The following POU3F3 variants were observed in gnomAD, a reference collection of about 807,000 sequenced individuals.
POU3F3 encodes the protein POU class 3 homeobox 3.
POU3F3 carries 1 observed loss-of-function variant against 8.6 expected under a neutral mutation model. The observed-to-expected ratio is 0.12, with a 90% confidence interval of 0.04 to 0.55. The LOEUF is 0.55. Among genes scored for constraint, POU3F3 ranks in the 20% least tolerant of loss-of-function variants. The pLI, the probability that POU3F3 is intolerant of heterozygous loss-of-function variation, is 0.91. For synonymous variants in POU3F3, 418 were observed against 327.4 expected (o/e 1.28, Z -2.99); for missense variants, 577 against 690.7 (o/e 0.84, Z 1.84).
In POU3F3 at chr2:104,856,656, G is replaced by A; in HGVS notation, c.1146G>A (p.Lys382=). The part of the protein sequence containing the change: ...NMCKLKPLLN[K]WLEEADSSTG... The stretch of plus-strand genomic sequence containing the variant: ...GCAAGCTCAAGCCGCTGCTGAACAA[G>A]TGGCTGGAGGAGGCGGACTCAAGCA... The change falls in exon 1 of 1, where the codon AAG becomes AAA. Residue 382 remains lysine, a synonymous_variant. Transcript: ENST00000361360. 3.1e-6 allele frequency: 5 copies of A among 1,614,182 alleles called. No individual in the cohort carries two copies. Among genetic ancestry groups the A allele is most frequent in the Non-Finnish European group, 4.2e-6 (5 of 1,180,030 alleles).
the POU3F3 span, chr2:104,867,504 C>G: frequency 6.6e-6 from 1 of 152,432 alleles, no homozygotes; most frequent in African/African-American, 2.4e-5. The surrounding 1 kb of genome is among the most constrained non-coding windows in gnomAD (Gnocchi z 5.0). Flanking sequence ...GCTCCGCAGA[C>G]GTGCCCGGGT....
chr2:104,893,080 C>T, the POU3F3 span, among the ~76,000 whole-genome samples: 4 of 152,208 alleles, frequency 2.6e-5, no homozygotes, highest in Admixed American at 1.3e-4. Context: ...ATTTTATGGA[C>T]GATTAGCAAC....
chr2:104,914,307 T>C, the POU3F3 span, among the ~76,000 whole-genome samples: 1 of 152,170 alleles, frequency 6.6e-6, no homozygotes, highest in Non-Finnish European at 1.5e-5. Flanking sequence ...TGATGTAAAA[T>C]CTTAGTGCCA....
rs1378635457 is a variant in POU3F3 at position 104,855,392 on chromosome 2, A to G, written c.-119A>G. ...GGGCCCGGGGCGGGGGCGGGGAAGG[A>G]GGGGGGGAGGAGGCGGGAGGCGGGG... is the stretch of plus-strand genomic sequence containing the variant. On this transcript the variant is annotated 5_prime_UTR_variant, in exon 1 of 1. Coordinates refer to ENST00000361360, the MANE Select transcript of POU3F3 (RefSeq NM_006236.3). The G allele has an allele frequency of 3.3e-4, 33 of 98,558 alleles. No homozygotes were observed. The Admixed American group carries it at 4.6e-3, about 14-fold the overall frequency. 6.1% of individuals were successfully genotyped at this position (98,558 alleles called of 1,614,324 possible).
chr2:104,863,095 T>G (rs1325232578), downstream of POU3F3, among the ~76,000 whole-genome samples: 1 of 151,258 alleles, frequency 6.6e-6, no homozygotes, highest in African/African-American at 2.4e-5. Flanking sequence ...TTCATAAACA[T>G]GTCCACTCTC....
chr2:104,900,773 G>T, the POU3F3 span, among the ~76,000 whole-genome samples: 1 of 152,120 alleles, frequency 6.6e-6, no homozygotes, highest in African/African-American at 2.4e-5. Context: ...AAGGCTGCCC[G>T]TGGCCAGGAA....
At chr2:104,922,223 A>G in the POU3F3 span, among the ~76,000 whole-genome samples, 1 of 152,140 alleles carries the variant, frequency 6.6e-6, no homozygotes, top group Non-Finnish European at 1.5e-5. Context: ...ACATTATTAG[A>G]TTCCAATGTC....
chr2:104,855,988 G>C lies in POU3F3; in HGVS notation c.478G>C (p.Ala160Pro). Residue 160 changes from alanine to proline, a missense_variant, in exon 1 of 1, where the codon GCG (alanine) becomes CCG (proline). By Grantham distance (27) the Ala-to-Pro change is conservative (BLOSUM62 -1). Around this residue, in one of 7 missense-constraint regions of POU3F3, gnomAD observed 484 missense variants for 422.6 expected, o/e 1.15. Coordinates refer to ENST00000361360, the MANE Select transcript of POU3F3 (RefSeq NM_006236.3). ...CGGCGCCGGGCGCGACGACCTGCAC[G>C]CGGGCACAGCGCTGCACCACCGCGG... is the stretch of plus-strand genomic sequence containing the variant. ...KGGAGRDDLH[A>P]GTALHHRGPP... 2 of 1,030,992 alleles carry C rather than the reference G, an allele frequency of 1.9e-6. No homozygotes were observed. The highest frequency in any genetic ancestry group is 2.3e-6 in the Non-Finnish European group (2 of 861,276). 63.9% of individuals were successfully genotyped at this position (1,030,992 alleles called of 1,614,324 possible).
At position 104,855,736 on chromosome 2, in the gene POU3F3, G is replaced by T; in HGVS notation, c.226G>T (p.Asp76Tyr). ...DPSSVKMVQS[D>Y]FMQGAMAASN... is the part of the protein sequence containing the mutation. ...GTCCTCTGTCAAGATGGTCCAGAGC[G>T]ACTTCATGCAGGGGGCCATGGCCGC... The change falls in exon 1 of 1, where the codon GAC becomes TAC. Residue 76 changes from aspartate (D) to tyrosine (Y), a missense_variant. Coordinates refer to ENST00000361360, the MANE Select transcript of POU3F3 (RefSeq NM_006236.3). 1 of 1,299,378 alleles carries T rather than the reference G, an allele frequency of 7.7e-7. No homozygotes were observed. Among genetic ancestry groups the T allele is most frequent in the Non-Finnish European group, 1.0e-6 (1 of 999,460 alleles). The allele number at this position is 1,299,378 out of a possible 1,614,324, so 80.5% of individuals were successfully genotyped here.
At chr2:104,916,991 A>G in the POU3F3 span, among the ~76,000 whole-genome samples, 5 of 152,218 alleles carry the variant, frequency 3.3e-5, no homozygotes, top group Non-Finnish European at 2.9e-5. Context: ...AGGCCCAGAA[A>G]GAATAAAAAG....
the POU3F3 span, chr2:104,867,876 G>A: frequency 5.4e-6 from 1 of 186,636 alleles, no homozygotes; most frequent in Non-Finnish European, 1.1e-5. The surrounding 1 kb of genome is among the most constrained non-coding windows in gnomAD (Gnocchi z 5.0). Flanking sequence ...GGCTAGTTGG[G>A]CATTTCCCAG....
downstream of POU3F3, among the ~76,000 whole-genome samples, chr2:104,862,242 C>G (rs879762209): frequency 6.6e-6 from 1 of 152,164 alleles, no homozygotes; most frequent in Non-Finnish European, 1.5e-5. Flanking sequence ...TTGATGAGTC[C>G]GGTCTTCCTC....
chr2:104,854,064 T>C (rs1010192419), upstream of POU3F3, among the ~76,000 whole-genome samples: 1 of 151,942 alleles, frequency 6.6e-6, no homozygotes, highest in East Asian at 1.9e-4. The surrounding 1 kb of genome is among the most constrained non-coding windows in gnomAD (Gnocchi z 4.5). Flanking sequence ...TCGACTTCCT[T>C]GTATTTGGGA....
At chr2:104,916,190 G>C in the POU3F3 span, among the ~76,000 whole-genome samples, 1 of 151,976 alleles carries the variant, frequency 6.6e-6, no homozygotes, top group Non-Finnish European at 1.5e-5. Flanking sequence ...TAATAATAAA[G>C]AGCTCAAGAT....
At chr2:104,874,245 G>A in the POU3F3 span, among the ~76,000 whole-genome samples, 2 of 152,170 alleles carry the variant, frequency 1.3e-5, no homozygotes, top group African/African-American at 4.8e-5. Flanking sequence ...CATGACCAGT[G>A]GTGAAGCCCA....
chr2:104,855,212 G>GGCT lies in POU3F3; in HGVS notation c.-285_-283dup, dbSNP rs1041550321. Among the ~76,000 whole-genome samples, 6 of 151,174 alleles carry GGCT rather than the reference G, an allele frequency of 4.0e-5. No homozygotes were observed. The highest frequency in any genetic ancestry group is 6.6e-5 in the Admixed American group (1 of 15,200). On this transcript the variant is annotated 5_prime_UTR_variant, in exon 1 of 1. Coordinates refer to ENST00000361360, the MANE Select transcript of POU3F3 (RefSeq NM_006236.3). ...CCCCTCCCCAGAGCGCTGCTCCTGC[G>GGCT]GCTGCTGCTGCTGCTGGTGACCAAG...
the POU3F3 span, chr2:104,868,365 C>T: frequency 4.8e-5 from 22 of 456,642 alleles, no homozygotes; most frequent in Middle Eastern, 3.3e-4. Context: ...TCTCCTCCGC[C>T]GACAAAGTGG....
the POU3F3 span, among the ~76,000 whole-genome samples, chr2:104,911,813 C>CGA: frequency 2.0e-5 from 3 of 151,138 alleles, no homozygotes; most frequent in East Asian, 5.8e-4. Flanking sequence ...CAAGTGGTCT[C>CGA]GAGAGAGAGA....
the POU3F3 span, among the ~76,000 whole-genome samples, chr2:104,907,928 A>C: frequency 1.3e-5 from 2 of 152,004 alleles, no homozygotes; most frequent in South Asian, 4.2e-4. Context: ...TGAATGTGTG[A>C]GAGTGTGTGT....
Sources: gnomAD v4.1 joint callset for allele counts (sites outside exome capture counted in the v4.1 genomes callset) on GRCh38, gnomAD v4.1.1 for gene constraint, gnomAD v4.1.1 regional missense constraint, Gnocchi (gnomAD v3.1) non-coding constraint, MANE v1.5 for transcripts, NCBI Gene and HGNC (gene_info 2026-07-23, HGNC 2026-07-21) for gene names.